Variants in DLAT observed in about 807,000 individuals in gnomAD.
DLAT encodes dihydrolipoyllysine-residue acetyltransferase component of pyruvate dehydrogenase complex, mitochondrial.
Under a neutral mutation model 68.0 loss-of-function variants are expected in DLAT, and 43 were observed. The ratio of observed to expected loss-of-function variants is 0.63; its 90% CI spans 0.50 to 0.81. DLAT has a LOEUF of 0.81. Among genes scored for constraint, DLAT ranks in the 40% least tolerant of loss-of-function variants. The pLI, the probability that DLAT is intolerant of heterozygous loss-of-function variation, is 0.00. For missense variants in DLAT, 745 were observed against 815.4 expected (o/e 0.91, Z 1.05); for synonymous variants, 265 against 288.6 (o/e 0.92, Z 0.83).
Position 112,039,276 on chromosome 11 carries a change from A to G in DLAT, c.1008A>G (p.Leu336=). The G allele has an allele frequency of 6.2e-7, 1 of 1,614,092 alleles. No homozygotes were observed. Among genetic ancestry groups the G allele is most frequent in the Non-Finnish European group, 8.5e-7 (1 of 1,180,004 alleles). ...CTGTTCCTCCAACTCCCCAGCCTTT[A>G]GCTCCTACACCTTCAGCACCCTGCC... The part of the protein sequence containing the change: ...VAAVPPTPQP[L]APTPSAPCPA... Residue 336 remains leucine, a synonymous_variant, in exon 7 of 14, where the codon TTA becomes TTG. Coordinates refer to ENST00000280346, the MANE Select transcript of DLAT (RefSeq NM_001931.5).
chr11:112,027,086 G>A (rs1862077894), intron 2 of DLAT, among the ~76,000 whole-genome samples: 1 of 150,332 alleles, frequency 6.7e-6, no homozygotes, highest in Non-Finnish European at 1.5e-5. Flanking sequence ...GGGCGGAGAC[G>A]CTCCTCACTT....
rs782233322 is a variant in DLAT at position 112,045,225 on chromosome 11, C to A, written c.1285C>A (p.Arg429Ser). 3.1e-6 allele frequency: 5 copies of A among 1,613,194 alleles called. No homozygotes were observed. Among genetic ancestry groups the A allele is most frequent in the Non-Finnish European group, 4.2e-6 (5 of 1,179,362 alleles). Residue 429 changes from arginine (R) to serine (S), a missense_variant, in exon 9 of 14, where the codon CGT (arginine) becomes AGT (serine). Physicochemically the swap from Arg to Ser is moderately radical, Grantham distance 110 (BLOSUM62 -1). Transcript: ENST00000280346. ...VFTDIPISNI[R>S]RVIAQRLMQS... Reference sequence around the variant, plus strand: ...CACAGATATCCCAATCAGCAACATTCGTCGGGTAAGAGAATTACCATCATC... The same window carrying A: ...CACAGATATCCCAATCAGCAACATTAGTCGGGTAAGAGAATTACCATCATC...
Position 112,045,896 on chromosome 11 carries a change from A to G in DLAT, c.1324A>G (p.Thr442Ala). 1 of 1,612,284 alleles carries G rather than the reference A, an allele frequency of 6.2e-7. No individual in the cohort carries two copies. The highest frequency in any genetic ancestry group is 8.5e-7 in the Non-Finnish European group (1 of 1,178,462). ...IAQRLMQSKQ[T>A]IPHYYLSIDV... ...ACAGCGATTAATGCAATCAAAGCAA[A>G]CCATACCTCATTATTACCTTTCTAT... Residue 442 changes from threonine (T) to alanine (A), a missense_variant, in exon 10 of 14, where the codon ACC (threonine) becomes GCC (alanine). Physicochemically the swap from Thr to Ala is moderately conservative, Grantham distance 58. Coordinates refer to ENST00000280346, the MANE Select transcript of DLAT (RefSeq NM_001931.5).
Position 112,036,440 on chromosome 11 carries a change from C to T in DLAT, c.788-833C>T, listed in dbSNP as rs587660589. Among the ~76,000 whole-genome samples the T allele has an allele frequency of 2.6e-3, 393 of 148,576 alleles. 3 individuals carry two copies. The highest frequency in any genetic ancestry group is 8.9e-3 in the African/African-American group (359 of 40,408). On this transcript the variant is annotated intron_variant, in intron 5 of 13. Coordinates refer to ENST00000280346, the MANE Select transcript of DLAT (RefSeq NM_001931.5). ...GTTGGTCAGGCTGGTCTCGAACTCC[C>T]GACCTCAGGTGATCCACCCGCCTCG...
chr11:112,038,458 C>T (rs587695853), intron 6 of DLAT, among the ~76,000 whole-genome samples: 1 of 151,838 alleles, frequency 6.6e-6, no homozygotes, highest in African/African-American at 2.4e-5. Flanking sequence ...CTCGGCCTCC[C>T]AAAGTGCTGG....
At chr11:112,059,072 G>C (rs1249705328) in intron 11 of DLAT, among the ~76,000 whole-genome samples, 3 of 151,538 alleles carry the variant, frequency 2.0e-5, no homozygotes, top group Non-Finnish European at 2.9e-5. Flanking sequence ...AAAAGATTGG[G>C]ACCCCTTACT....
chr11:112,027,794 G>T (rs920205059), intron 2 of DLAT, among the ~76,000 whole-genome samples: 4 of 151,222 alleles, frequency 2.6e-5, no homozygotes. Flanking sequence ...CAGGCACTCA[G>T]CAGGCTGAGG....
intron 5 of DLAT, among the ~76,000 whole-genome samples, chr11:112,036,218 T>G (rs1468883517): frequency 2.3e-3 from 261 of 115,206 alleles, no homozygotes; most frequent in African/African-American, 8.4e-3. Context: ...TTTTTTTTTT[T>G]TTTTTTTTTT....
At chr11:112,059,309 G>A (rs1468047772) in intron 11 of DLAT, among the ~76,000 whole-genome samples, 1 of 151,478 alleles carries the variant, frequency 6.6e-6, no homozygotes, top group Admixed American at 6.6e-5. Flanking sequence ...GATGTTAGAC[G>A]ATATGTGCGA....
At chr11:112,027,769 G>A (rs1182489811) in intron 2 of DLAT, among the ~76,000 whole-genome samples, 332 of 135,054 alleles carry the variant, frequency 2.5e-3, no homozygotes, top group Middle Eastern at 7.0e-3. Flanking sequence ...GCGTGGCGGC[G>A]CGTGCCTGCA....
intron 6 of DLAT, among the ~76,000 whole-genome samples, chr11:112,038,544 T>A (rs1555180744): frequency 6.6e-6 from 1 of 151,496 alleles, no homozygotes; most frequent in Admixed American, 6.6e-5. Context: ...CAGCATAATT[T>A]TATATTTTGA....
intron 4 of DLAT, among the ~76,000 whole-genome samples, chr11:112,032,043 G>C (rs1275447108): frequency 1.3e-5 from 2 of 151,408 alleles, no homozygotes; most frequent in Non-Finnish European, 2.9e-5. Context: ...ACCATGCCCA[G>C]CTAATTTTGG....
At position 112,062,359 on chromosome 11, in the gene DLAT, G is replaced by A. The variant is rs199520878; in HGVS notation, c.1815-47G>A. ...CATTTGGGTGGTTACTGGCTGAAAT[G>A]CAGTATTTTCTTTCAGAATATCTAA... On this transcript the variant is annotated intron_variant, in intron 13 of 13. Coordinates refer to ENST00000280346, the MANE Select transcript of DLAT (RefSeq NM_001931.5). The A allele has an allele frequency of 4.1e-4, 655 of 1,605,742 alleles. 1 individual carries two copies. Among genetic ancestry groups the A allele is most frequent in the Non-Finnish European group, 3.3e-4 (391 of 1,174,670 alleles).
intron 5 of DLAT, among the ~76,000 whole-genome samples, chr11:112,034,283 C>T (rs1268216551): frequency 1.3e-5 from 2 of 152,058 alleles, no homozygotes; most frequent in Non-Finnish European, 2.9e-5. Context: ...TGAGGGAAAA[C>T]TGAAACCAGG....
chr11:112,028,420 CAAAAAAA>C lies in DLAT; in HGVS notation c.382-76_382-70del, dbSNP rs148561787. 2,809 of 819,734 alleles carry C rather than the reference CAAAAAAA, an allele frequency of 3.4e-3. 1 individual carries two copies. Among genetic ancestry groups the C allele is most frequent in the Non-Finnish European group, 4.3e-3 (2,472 of 575,420 alleles). The allele number at this position is 819,734 out of a possible 1,614,324, so 50.8% of individuals were successfully genotyped here. A position where few individuals can be genotyped will look rare whatever the true frequency, so the allele number is the denominator to read the frequency against. Reference sequence around the variant, plus strand: ...GGTGACAGAATGAGACTCTGTGTCTCAAAAAAAAAAAAAAAAAAAAAAAAATTCTAGA... The same window carrying C: ...GGTGACAGAATGAGACTCTGTGTCTCAAAAAAAAAAAAAAAAAATTCTAGA... On this transcript the variant is annotated intron_variant, in intron 2 of 13. Coordinates refer to ENST00000280346, the MANE Select transcript of DLAT (RefSeq NM_001931.5).
chr11:112,046,340 T>C (rs933005108), intron 10 of DLAT, among the ~76,000 whole-genome samples: 5 of 152,162 alleles, frequency 3.3e-5, no homozygotes, highest in African/African-American at 1.2e-4. Flanking sequence ...ATGTGGACAT[T>C]TATTCTTTCA....
At chr11:112,027,756 C>T (rs1862144492) in intron 2 of DLAT, among the ~76,000 whole-genome samples, 1 of 152,218 alleles carries the variant, frequency 6.6e-6, no homozygotes, top group African/African-American at 2.4e-5. Flanking sequence ...GAAAACCAGT[C>T]AGGCGTGGCG....
chr11:112,048,816 G>A (rs1042090664), intron 10 of DLAT, among the ~76,000 whole-genome samples: 1 of 152,066 alleles, frequency 6.6e-6, no homozygotes, highest in Admixed American at 6.6e-5. Flanking sequence ...TTACAGCCAT[G>A]AGCCCCCATG....
intron 11 of DLAT, among the ~76,000 whole-genome samples, chr11:112,053,052 G>A (rs587766395): frequency 1.3e-5 from 2 of 152,052 alleles, no homozygotes; most frequent in South Asian, 2.1e-4. Flanking sequence ...TTTTAGGGCC[G>A]GGCTCACACC....
Sources: allele counts gnomAD v4.1 joint callset (sites outside exome capture counted in the v4.1 genomes callset), GRCh38; gene constraint gnomAD v4.1.1; transcripts MANE v1.5; gene names NCBI Gene and HGNC (gene_info 2026-07-23, HGNC 2026-07-21).